Variants in STAT3 observed in about 807,000 individuals in gnomAD.
STAT3 encodes the protein DNA-binding protein APRF.
In STAT3, 7 loss-of-function variants were observed where a neutral mutation model predicts 114.3. That is an observed-to-expected ratio of 0.06 (90% CI 0.03 to 0.11). The LOEUF (loss-of-function observed/expected upper bound fraction) is 0.11. STAT3 is among the 10% of genes least tolerant of loss of function. The pLI, the probability that STAT3 is intolerant of heterozygous loss-of-function variation, is 1.00. For synonymous variants in STAT3, 331 were observed against 354.5 expected, an observed-to-expected ratio of 0.93 and a Z score of 0.74; for missense variants, 364 against 960.9, an observed-to-expected ratio of 0.38 and a Z score of 8.21.
At position 42,337,380 on chromosome 17, in the gene STAT3, T is replaced by C; in HGVS notation, c.797+55A>G. 1 of 1,606,882 alleles carries C rather than the reference T, an allele frequency of 6.2e-7. No homozygotes were observed. The highest frequency in any genetic ancestry group is 2.2e-5 in the East Asian group (1 of 44,732). On this transcript the variant is annotated intron_variant, in intron 8 of 23. Transcript: ENST00000264657. This position sits in a 1 kb window ranked among gnomAD's most constrained non-coding sequence, Gnocchi z 4.0. ...CAATTCTGTGGGCCTGCAGTTAAGA[T>C]CAGAATTCAATCTAGCTTTCGAGAA...
At chr17:42,344,749 G>A (rs1222949439) in intron 4 of STAT3, among the ~76,000 whole-genome samples, 6 of 150,134 alleles carry the variant, frequency 4.0e-5, no homozygotes, top group Non-Finnish European at 7.4e-5. Flanking sequence ...ATGAGGTCTC[G>A]CTACATTGCC....
At position 42,337,524 on chromosome 17, in the gene STAT3, C is replaced by A; in HGVS notation, c.708G>T (p.Thr236=). ...SAMEYVQKTL[T]DEELADWKRR... is the part of the protein sequence containing the mutation. ...TCTTCCAGTCAGCCAGCTCCTCGTC[C>A]GTGAGAGTTTTCTGCACGTACTCCA... The change falls in exon 8 of 24, where the codon ACG becomes ACT. Residue 236 remains threonine, a synonymous_variant. Coordinates refer to ENST00000264657, the MANE Select transcript of STAT3 (RefSeq NM_139276.3). This position sits in a 1 kb window ranked among gnomAD's most constrained non-coding sequence, Gnocchi z 4.0. 1 of 1,614,194 alleles carries A rather than the reference C, an allele frequency of 6.2e-7. No homozygotes were observed. The highest frequency in any genetic ancestry group is 8.5e-7 in the Non-Finnish European group (1 of 1,180,042).
chr17:42,318,806 G>A (rs1330082273), intron 21 of STAT3, among the ~76,000 whole-genome samples: 1 of 152,142 alleles, frequency 6.6e-6, no homozygotes, highest in Non-Finnish European at 1.5e-5. Context: ...GTTTACTTTG[G>A]GCCAAGAAAC....
At chr17:42,356,539 ATTT>A (rs67178732) in intron 1 of STAT3, among the ~76,000 whole-genome samples, 2 of 143,008 alleles carry the variant, frequency 1.4e-5, no homozygotes, top group African/African-American at 2.6e-5. Flanking sequence ...ATATATATAT[ATTT>A]TTTTTTTTTT....
chr17:42,361,202 T>TG (rs545178499), intron 1 of STAT3, among the ~76,000 whole-genome samples: 26 of 152,140 alleles, frequency 1.7e-4, no homozygotes, highest in Admixed American at 5.9e-4. Context: ...AAGCTACGGC[T>TG]GGGCACGGTG....
In STAT3 at chr17:42,314,853, T is replaced by A; in HGVS notation, c.*892A>T. On this transcript the variant is annotated 3_prime_UTR_variant, in exon 24 of 24. Coordinates refer to ENST00000264657, the MANE Select transcript of STAT3 (RefSeq NM_139276.3). ...AAGGAGGCTGTTAACTGAAGTTTCTTTTTTTTTTTTTTTTTTTTGAGACAG... is the reference window on the plus strand; with the variant it reads ...AAGGAGGCTGTTAACTGAAGTTTCTATTTTTTTTTTTTTTTTTTGAGACAG... 6.6e-6 allele frequency: 1 copy of A among 151,762 alleles called. No homozygotes were observed. Among genetic ancestry groups the A allele is most frequent in the Admixed American group, 6.9e-5 (1 of 14,532 alleles). 9.4% of individuals were successfully genotyped at this position (151,762 alleles called of 1,614,324 possible).
chr17:42,369,124 C>A (rs572037502), intron 1 of STAT3, among the ~76,000 whole-genome samples: 1 of 152,186 alleles, frequency 6.6e-6, no homozygotes, highest in South Asian at 2.1e-4. Flanking sequence ...CTTTGGGAGG[C>A]CGAGGTGGGA....
At chr17:42,374,377 G>A (rs958782996) in intron 1 of STAT3, among the ~76,000 whole-genome samples, 4 of 152,180 alleles carry the variant, frequency 2.6e-5, no homozygotes, top group African/African-American at 9.7e-5. Flanking sequence ...GGAGACTGAA[G>A]CAGGTGGATC....
chr17:42,324,348 A>C lies in STAT3; in HGVS notation c.1600+363T>G, dbSNP rs1598396247. 1.3e-5 allele frequency among the ~76,000 whole-genome samples: 2 copies of C among 150,806 alleles called. No individual in the cohort carries two copies. Among genetic ancestry groups the C allele is most frequent in the African/African-American group, 2.5e-5 (1 of 40,434 alleles). On this transcript the variant is annotated intron_variant, in intron 17 of 23. Transcript: ENST00000264657. The surrounding 1 kb of genome is among the most constrained non-coding windows in gnomAD (Gnocchi z 4.5). The stretch of plus-strand genomic sequence containing the variant: ...AATAAATAAATAAATAAAATAAGAC[A>C]AAAAAAACCAACTAGCCTATAGTTT...
At chr17:42,366,866 C>A (rs1287183349) in intron 1 of STAT3, among the ~76,000 whole-genome samples, 1 of 151,996 alleles carries the variant, frequency 6.6e-6, no homozygotes, top group Admixed American at 6.6e-5. Context: ...TCCTGGCTGG[C>A]ACGGTGGCTC....
At chr17:42,345,004 G>A (rs1184513122) in intron 4 of STAT3, among the ~76,000 whole-genome samples, 2 of 151,414 alleles carry the variant, frequency 1.3e-5, no homozygotes, top group African/African-American at 2.4e-5. Context: ...AGTGGCTCAC[G>A]CCTGTAATCC....
chr17:42,315,639 A>G lies in STAT3; in HGVS notation c.*106T>C, dbSNP rs1175270768. 36 of 1,236,452 alleles carry G rather than the reference A, an allele frequency of 2.9e-5. No individual in the cohort carries two copies. In the Admixed American group the frequency reaches 6.1e-4, roughly 21 times the overall value. The allele number at this position is 1,236,452 out of a possible 1,614,324, so 76.6% of individuals were successfully genotyped here. ...AGGAGATTAAAAAAAATCTGGAACC[A>G]CAAAGTTAGTAGTTTCAGATGATCT... On this transcript the variant is annotated 3_prime_UTR_variant, in exon 24 of 24. Coordinates refer to ENST00000264657, the MANE Select transcript of STAT3 (RefSeq NM_139276.3).
chr17:42,329,499 C>G (rs757247571), intron 13 of STAT3, 42 bp from the exon 14 acceptor site: 1 of 1,614,088 alleles, frequency 6.2e-7, no homozygotes, highest in African/African-American at 1.3e-5. Flanking sequence ...GAGGCTCTCC[C>G]TAGCCCTCTC....
At chr17:42,358,865 T>C (rs1333467811) in intron 1 of STAT3, among the ~76,000 whole-genome samples, 3 of 151,802 alleles carry the variant, frequency 2.0e-5, no homozygotes, top group Non-Finnish European at 2.9e-5. Context: ...GTGCTGCTGG[T>C]GCCAGATCCT....
At position 42,330,520 on chromosome 17, in the gene STAT3, C is replaced by T. The variant is rs1440790283; in HGVS notation, c.1110-744G>A. ...CTTGGCTCACTGCAAACTCCACCTC[C>T]CAGGTTCATGCCATTCTCCTGCCTC... On this transcript the variant is annotated intron_variant, in intron 11 of 23. Transcript: ENST00000264657. Among the ~76,000 whole-genome samples, 3 of 151,418 alleles carry T rather than the reference C, an allele frequency of 2.0e-5. 1 individual carries two copies. In the East Asian group the frequency reaches 5.8e-4, roughly 29 times the overall value.
intron 23 of STAT3, chr17:42,316,207 TA>T: frequency 2.4e-5 from 13 of 532,736 alleles, no homozygotes; most frequent in Non-Finnish European, 3.3e-5. Context: ...AAAAAAAGAA[TA>T]AAAAAAGGTC....
chr17:42,367,805 C>A (rs2083889752), intron 1 of STAT3, among the ~76,000 whole-genome samples: 1 of 152,194 alleles, frequency 6.6e-6, no homozygotes, highest in Admixed American at 6.5e-5. Flanking sequence ...GCTATTTCCC[C>A]AGCAACTACA....
intron 2 of STAT3, among the ~76,000 whole-genome samples, chr17:42,346,964 G>A (rs1415115629): frequency 3.3e-5 from 5 of 151,942 alleles, no homozygotes; most frequent in African/African-American, 9.7e-5. Context: ...TGAGGCAGGC[G>A]GATCACCTGA....
chr17:42,331,761 C>T (rs776286717), intron 10 of STAT3, among the ~76,000 whole-genome samples: 1 of 152,052 alleles, frequency 6.6e-6, no homozygotes, highest in South Asian at 2.1e-4. Context: ...GAGCCCACAT[C>T]TATAAAAAAT....
Sources: gnomAD v4.1 joint callset for allele counts (sites outside exome capture counted in the v4.1 genomes callset) on GRCh38, gnomAD v4.1.1 for gene constraint, Gnocchi (gnomAD v3.1) non-coding constraint, MANE v1.5 for transcripts, NCBI Gene and HGNC (gene_info 2026-07-23, HGNC 2026-07-21) for gene names.